The following ARFIP1 variants were observed in gnomAD, a reference collection of about 807,000 sequenced individuals.
ARFIP1 encodes ARF interacting protein 1, also known as arfaptin-1.
A neutral mutation model predicts 42.5 loss-of-function variants in ARFIP1; 24 were observed. The ratio of observed to expected loss-of-function variants is 0.57; its 90% confidence interval spans 0.41 to 0.80. The LOEUF (loss-of-function observed/expected upper bound fraction) is 0.80, where lower values mean the gene tolerates loss of function less well. ARFIP1 is among the 30% of genes least tolerant of loss of function. ARFIP1 has a pLI of 0.00. For synonymous variants in ARFIP1, 141 were observed against 153.7 expected, an observed-to-expected ratio of 0.92 and a Z score of 0.61; for missense variants, 354 against 434.0, an observed-to-expected ratio of 0.82 and a Z score of 1.64.
intron 1 of ARFIP1, among the ~76,000 whole-genome samples, chr4:152,821,556 T>A (rs1051112093): frequency 6.6e-6 from 1 of 151,818 alleles, no homozygotes; most frequent in Non-Finnish European, 1.5e-5. Flanking sequence ...GAAAAAAAAA[T>A]TGGAAAACTT....
intron 2 of ARFIP1, among the ~76,000 whole-genome samples, chr4:152,840,324 C>G (rs1240808736): frequency 6.6e-6 from 1 of 152,114 alleles, no homozygotes; most frequent in African/African-American, 2.4e-5. Context: ...ATCTTGATGA[C>G]CTGTCTAGTG....
At chr4:152,898,450 T>C (rs1737543276) in intron 8 of ARFIP1, among the ~76,000 whole-genome samples, 1 of 151,978 alleles carries the variant, frequency 6.6e-6, no homozygotes, top group Non-Finnish European at 1.5e-5. Flanking sequence ...TGATTTTCTA[T>C]CCTTATTTCT....
At chr4:152,815,582 C>T (rs1729800514) in intron 1 of ARFIP1, among the ~76,000 whole-genome samples, 1 of 152,122 alleles carries the variant, frequency 6.6e-6, no homozygotes, top group African/African-American at 2.4e-5. Flanking sequence ...TTGTGCTCTT[C>T]CCCCAATCTT....
intron 1 of ARFIP1, among the ~76,000 whole-genome samples, chr4:152,808,874 A>G (rs1729222420): frequency 6.6e-6 from 1 of 152,066 alleles, no homozygotes; most frequent in African/African-American, 2.4e-5. Flanking sequence ...TTCAAGACCA[A>G]CTTGACCAAT....
intron 5 of ARFIP1, among the ~76,000 whole-genome samples, chr4:152,873,882 C>T (rs1021715885): frequency 6.6e-6 from 1 of 152,188 alleles, no homozygotes; most frequent in African/African-American, 2.4e-5. Context: ...CACTCTGTCT[C>T]TGCCTCTTTT....
chr4:152,868,248 C>T (rs1221207839), intron 3 of ARFIP1, among the ~76,000 whole-genome samples: 1 of 152,134 alleles, frequency 6.6e-6, no homozygotes, highest in Non-Finnish European at 1.5e-5. Flanking sequence ...TCAAAGCTCA[C>T]AAGAGTGAAG....
chr4:152,823,009 A>G (rs1730517194), intron 1 of ARFIP1, among the ~76,000 whole-genome samples: 1 of 152,220 alleles, frequency 6.6e-6, no homozygotes, highest in Non-Finnish European at 1.5e-5. Context: ...AAACAAGAAC[A>G]AATCAAACCC....
At chr4:152,824,472 G>A (rs934055346) in intron 1 of ARFIP1, among the ~76,000 whole-genome samples, 1 of 152,082 alleles carries the variant, frequency 6.6e-6, no homozygotes, top group African/African-American at 2.4e-5. Flanking sequence ...TGCAGAAAAA[G>A]CATTTGATAA....
chr4:152,883,621 C>CAT (rs1030799528), intron 7 of ARFIP1, among the ~76,000 whole-genome samples: 4 of 151,270 alleles, frequency 2.6e-5, no homozygotes, highest in Non-Finnish European at 4.4e-5. Flanking sequence ...TATCCATATT[C>CAT]ATATATATAT....
chr4:152,870,989 A>G (rs527983358), intron 4 of ARFIP1, 141 bp downstream of exon 4: 212 of 558,214 alleles, frequency 3.8e-4, no homozygotes, highest in Non-Finnish European at 4.5e-4. Flanking sequence ...TTAACAATAA[A>G]GGAAATAATT....
chr4:152,811,494 G>A (rs889927254), intron 1 of ARFIP1, among the ~76,000 whole-genome samples: 2 of 152,044 alleles, frequency 1.3e-5, no homozygotes, highest in South Asian at 2.1e-4. Flanking sequence ...AGAATATTTC[G>A]AGCATTGTGA....
chr4:152,873,319 A>C (rs1330129361), intron 5 of ARFIP1, among the ~76,000 whole-genome samples: 3 of 152,198 alleles, frequency 2.0e-5, no homozygotes, highest in Non-Finnish European at 4.4e-5. Context: ...CTGTATTTTT[A>C]TACAGAACAG....
chr4:152,872,357 G>A, intron 4 of ARFIP1, 95 bp from the exon 5 acceptor site: 1 of 773,200 alleles, frequency 1.3e-6, no homozygotes, highest in Non-Finnish European at 2.1e-6. Flanking sequence ...TTTTTTAGAT[G>A]CATAAGAATT....
intron 2 of ARFIP1, among the ~76,000 whole-genome samples, chr4:152,858,349 C>CA (rs1733609883): frequency 6.6e-6 from 1 of 150,474 alleles, no homozygotes; most frequent in East Asian, 1.9e-4. Context: ...TCAGGCAGTA[C>CA]TTCCTTCCTT....
intron 8 of ARFIP1, among the ~76,000 whole-genome samples, chr4:152,894,187 G>T (rs948143867): frequency 6.9e-6 from 1 of 145,156 alleles, no homozygotes; most frequent in East Asian, 2.0e-4. Context: ...CAGCCTAGAT[G>T]ACAGAGCGAG....
chr4:152,884,244 C>A (rs982968792), intron 7 of ARFIP1, among the ~76,000 whole-genome samples: 1 of 151,824 alleles, frequency 6.6e-6, no homozygotes, highest in Non-Finnish European at 1.5e-5. Flanking sequence ...AGTAAGATAG[C>A]CTTCCGTGGA....
At chr4:152,806,860 G>A (rs141872542) in intron 1 of ARFIP1, among the ~76,000 whole-genome samples, 2,066 of 145,886 alleles carry the variant, frequency 0.014, 48 homozygotes, top group African/African-American at 0.049. Flanking sequence ...TTTTTTTAGA[G>A]ACAGGTCTCA....
intron 8 of ARFIP1, among the ~76,000 whole-genome samples, chr4:152,906,155 G>A (rs972538616): frequency 1.3e-5 from 2 of 152,038 alleles, no homozygotes; most frequent in Middle Eastern, 3.2e-3. Context: ...TGAGATACAA[G>A]GGTCAAGGTT....
chr4:152,807,699 C>G (rs550231301), intron 1 of ARFIP1, among the ~76,000 whole-genome samples: 3 of 150,782 alleles, frequency 2.0e-5, no homozygotes, highest in Admixed American at 2.0e-4. Flanking sequence ...TTCTCCTAGT[C>G]TGTGGTTCAC....
Sources: gnomAD v4.1 joint callset for allele counts (sites outside exome capture counted in the v4.1 genomes callset) on GRCh38, gnomAD v4.1.1 for gene constraint, MANE v1.5 for transcripts, NCBI Gene and HGNC (gene_info 2026-07-23, HGNC 2026-07-21) for gene names.